The following FRMPD2 variants were observed in gnomAD, a reference collection of about 807,000 sequenced individuals.
FRMPD2 encodes FERM and PDZ domain-containing protein 2.
A neutral mutation model predicts 140.1 loss-of-function variants in FRMPD2; 96 were observed. The observed-to-expected ratio is 0.69, with a 90% confidence interval of 0.58 to 0.81. FRMPD2 has a LOEUF of 0.81. Ranked by LOEUF, FRMPD2 falls within the 40% of genes least tolerant of loss-of-function variation. The probability of loss-of-function intolerance (pLI) is 0.00; values close to 1 mark genes in which losing one functional copy is unlikely to be tolerated. For synonymous variants in FRMPD2, 449 were observed against 547.6 expected (o/e 0.82, Z 2.52); for missense variants, 1,240 against 1,447.4 (o/e 0.86, Z 2.32).
intron 1 of FRMPD2, among the ~76,000 whole-genome samples, chr10:48,265,262 T>C (rs1196910197): frequency 6.6e-6 from 1 of 152,184 alleles, no homozygotes; most frequent in Non-Finnish European, 1.5e-5. Flanking sequence ...ATAAAAACTC[T>C]GGAAGACAAA....
At position 48,214,892 on chromosome 10, in the gene FRMPD2, G is replaced by A. The variant is rs1180025921; in HGVS notation, c.1456-2783C>T. Among the ~76,000 whole-genome samples the A allele has an allele frequency of 2.6e-5, 4 of 152,212 alleles. 1 individual carries two copies. The East Asian group carries it at 7.7e-4, about 29-fold the overall frequency. On this transcript the variant is annotated intron_variant, in intron 12 of 28. Coordinates refer to ENST00000374201, the MANE Select transcript of FRMPD2 (RefSeq NM_001018071.4). ...GCCAATCCAGAGGATCACTAGGAAG[G>A]CCACCGGAGGACATGTACCATTGAG...
chr10:48,187,662 T>C (rs777323272), intron 16 of FRMPD2, among the ~76,000 whole-genome samples: 12 of 152,098 alleles, frequency 7.9e-5, no homozygotes, highest in Non-Finnish European at 1.8e-4. Context: ...GGAACTGAAA[T>C]GAGATAGTAA....
chr10:48,255,204 T>C (rs771817633), intron 1 of FRMPD2, among the ~76,000 whole-genome samples: 32 of 152,152 alleles, frequency 2.1e-4, no homozygotes, highest in Non-Finnish European at 2.6e-4. Context: ...TCTAGTAGCA[T>C]AGAAGTCTTC....
chr10:48,266,212 C>A lies in FRMPD2; in HGVS notation c.25+8331G>T, dbSNP rs889706730. Among the ~76,000 whole-genome samples, 3 of 152,006 alleles carry A rather than the reference C, an allele frequency of 2.0e-5. 1 individual carries two copies. Among genetic ancestry groups the A allele is most frequent in the Non-Finnish European group, 4.4e-5 (3 of 67,984 alleles). On this transcript the variant is annotated intron_variant, in intron 1 of 28. Transcript: ENST00000374201. ...GGGAAACAACAGACACTGGGTCCTACTTGAGGATGAAGACTGAGAGAAGGG... is the reference window on the plus strand; with the variant it reads ...GGGAAACAACAGACACTGGGTCCTAATTGAGGATGAAGACTGAGAGAAGGG...
Position 48,204,400 on chromosome 10 carries a change from A to G in FRMPD2, c.1797+2348T>C, listed in dbSNP as rs574713808. ...AGAAAGAGCAAAAATGTTTCTGTGC[A>G]AAGCTGCGTGTTTCATGCATCCTAT... is the stretch of plus-strand genomic sequence containing the variant. On this transcript the variant is annotated intron_variant, in intron 14 of 28. Coordinates refer to ENST00000374201, the MANE Select transcript of FRMPD2 (RefSeq NM_001018071.4). Among the ~76,000 whole-genome samples, 3 of 152,332 alleles carry G rather than the reference A, an allele frequency of 2.0e-5. No individual in the cohort carries two copies. The East Asian group carries it at 5.8e-4, about 29-fold the overall frequency.
At chr10:48,209,433 T>G (rs1839270008) in intron 13 of FRMPD2, among the ~76,000 whole-genome samples, 1 of 152,242 alleles carries the variant, frequency 6.6e-6, no homozygotes, top group African/African-American at 2.4e-5. Context: ...TTTTGCCCAG[T>G]CTGTGGCTAG....
chr10:48,173,980 G>T (rs1321436814), intron 24 of FRMPD2, among the ~76,000 whole-genome samples: 1 of 152,216 alleles, frequency 6.6e-6, no homozygotes. Context: ...GGCCAGCCAA[G>T]TACCCTCTCT....
At chr10:48,223,097 C>A in intron 11 of FRMPD2, 26 bp downstream of exon 11, 1 of 1,594,132 alleles carries the variant, frequency 6.3e-7, no homozygotes. Context: ...CCTTAAGGAA[C>A]AAATGAACAG....
At chr10:48,274,475 C>A in intron 1 of FRMPD2, 68 bp downstream of exon 1, 1 of 1,371,530 alleles carries the variant, frequency 7.3e-7, no homozygotes, top group South Asian at 1.2e-5. Flanking sequence ...GATACCTAGA[C>A]CCAGTAAGAA....
chr10:48,185,825 C>T (rs2131839220), intron 17 of FRMPD2, among the ~76,000 whole-genome samples, 180 bp from the exon 18 acceptor site: 1 of 152,330 alleles, frequency 6.6e-6, no homozygotes, highest in East Asian at 1.9e-4. Flanking sequence ...GACACCTGAA[C>T]ACACACTCAC....
At chr10:48,181,884 T>TCACACACACA (rs1342570630) in intron 20 of FRMPD2, among the ~76,000 whole-genome samples, 2 of 13,446 alleles carry the variant, frequency 1.5e-4, no homozygotes, top group Non-Finnish European at 3.0e-4. Context: ...TATATGGCTC[T>TCACACACACA]CATACACACA....
rs141795119 is a variant in FRMPD2 at position 48,251,473 on chromosome 10, A to ATAAGAAAAAAATTTT, written c.151+92_151+93insAAAATTTTTTTCTTA. On this transcript the variant is annotated intron_variant, in intron 2 of 28. Coordinates refer to ENST00000374201, the MANE Select transcript of FRMPD2 (RefSeq NM_001018071.4). The stretch of plus-strand genomic sequence containing the variant: ...CCTTGTTCTGTGCTCTCAGAGGTTG[A>ATAAGAAAAAAATTTT]TTTAAAAAAGCAGCAGCAGCCAGAA... The ATAAGAAAAAAATTTT allele has an allele frequency of 8.6e-3, 13,007 of 1,516,508 alleles. 842 individuals carry two copies. The African/African-American group carries it at 0.15, about 17-fold the overall frequency. The allele number at this position is 1,516,508 out of a possible 1,614,324, so 93.9% of individuals were successfully genotyped here. A position where few individuals can be genotyped will look rare whatever the true frequency, so the allele number is the denominator to read the frequency against.
intron 12 of FRMPD2, 119 bp from the exon 13 acceptor site, chr10:48,212,228 C>T (rs1839343992): frequency 2.2e-6 from 2 of 929,782 alleles, no homozygotes; most frequent in Non-Finnish European, 3.3e-6. Context: ...AAGACACTTC[C>T]TCGAGGTGCC....
chr10:48,217,473 G>A (rs1050243442), intron 12 of FRMPD2, among the ~76,000 whole-genome samples: 4 of 152,200 alleles, frequency 2.6e-5, no homozygotes, highest in Non-Finnish European at 5.9e-5. Flanking sequence ...AATGTTGGGA[G>A]AGTCTGAGAA....
chr10:48,217,595 T>C (rs779401690), intron 12 of FRMPD2, among the ~76,000 whole-genome samples: 3 of 152,216 alleles, frequency 2.0e-5, no homozygotes, highest in Non-Finnish European at 2.9e-5. Context: ...TCAATGTGCA[T>C]TGCATATAGA....
chr10:48,234,431 A>G (rs1004137105), intron 9 of FRMPD2, among the ~76,000 whole-genome samples: 1 of 152,208 alleles, frequency 6.6e-6, no homozygotes, highest in African/African-American at 2.4e-5. Context: ...CGGGACAGCC[A>G]TGCTGTAAGG....
intron 7 of FRMPD2, 89 bp from the exon 8 acceptor site, chr10:48,238,212 G>T: frequency 7.2e-7 from 1 of 1,383,426 alleles, no homozygotes; most frequent in Non-Finnish European, 9.9e-7. Context: ...GCTCAGTTGG[G>T]CAGGGTGCAC....
rs764527917 is a variant in FRMPD2, at chr10:48,184,591, T to C, written c.2559A>G (p.Ile853Met). The change falls in exon 20 of 29, where the codon ATA (isoleucine) becomes ATG (methionine). Residue 853 changes from isoleucine to methionine, a missense_variant. Coordinates refer to ENST00000374201, the MANE Select transcript of FRMPD2 (RefSeq NM_001018071.4). ...VRMIQNSPDNIELIISQSKGV... is the reference protein window; with the variant it reads ...VRMIQNSPDNMELIISQSKGV... ...CTTTTGACTGAGAAATAATTAATTC[T>C]ATGTTGTCAGGGGAATTCTGGATCA... 2.5e-6 allele frequency: 4 copies of C among 1,611,052 alleles called. No individual in the cohort carries two copies. Among genetic ancestry groups the C allele is most frequent in the Admixed American group, 3.3e-5 (2 of 60,012 alleles).
intron 1 of FRMPD2, among the ~76,000 whole-genome samples, chr10:48,264,906 G>A (rs74546143): frequency 0.011 from 1,665 of 152,158 alleles, 35 homozygotes; most frequent in African/African-American, 0.038. Context: ...ACTATACCAA[G>A]GCAATCCTAT....
Sources: allele counts gnomAD v4.1 joint callset (sites outside exome capture counted in the v4.1 genomes callset), GRCh38; gene constraint gnomAD v4.1.1; transcripts MANE v1.5; gene names NCBI Gene and HGNC (gene_info 2026-07-23, HGNC 2026-07-21).